The following GSE1 variants were observed in gnomAD, a reference collection of about 807,000 sequenced individuals.
GSE1 encodes the protein Gse1 coiled-coil protein.
In GSE1, 32 loss-of-function variants were observed where a neutral mutation model predicts 112.6. The observed-to-expected ratio is 0.28, with a 90% CI of 0.21 to 0.38. The LOEUF is 0.38. GSE1 is among the 10% of genes least tolerant of loss of function. The pLI is 1.00. For synonymous variants in GSE1, 1,115 were observed against 735.6 expected, an observed-to-expected ratio of 1.52 and a Z score of -8.35; for missense variants, 2,348 against 1,699.2, an observed-to-expected ratio of 1.38 and a Z score of -6.71.
chr16:85,515,447 G>A (rs796964652), intron 2 of GSE1, among the ~76,000 whole-genome samples: 3 of 152,364 alleles, frequency 2.0e-5, no homozygotes, highest in African/African-American at 7.2e-5. Flanking sequence ...GGGGCCTGGG[G>A]TCACCCTGAG....
intron 1 of GSE1, among the ~76,000 whole-genome samples, chr16:85,336,014 G>A (rs947194139): frequency 6.6e-6 from 1 of 152,076 alleles, no homozygotes; most frequent in Non-Finnish European, 1.5e-5. Context: ...TAGGACAGGT[G>A]GGACCCAGGC....
chr16:85,336,462 G>A lies in GSE1; in HGVS notation c.2284-21001G>A, dbSNP rs545846104. On this transcript the variant is annotated intron_variant, in intron 1 of 2. Coordinates refer to the GSE1 transcript ENST00000637419. Reference sequence around the variant, plus strand: ...AGAAGGGGCAGAATCAGAGGTGCAGGATTAGGCCACCTGCAGCCTTGGTGG... The same window carrying A: ...AGAAGGGGCAGAATCAGAGGTGCAGAATTAGGCCACCTGCAGCCTTGGTGG... Among the ~76,000 whole-genome samples the A allele has an allele frequency of 1.5e-4, 23 of 152,338 alleles. No individual in the cohort carries two copies. The East Asian group carries it at 4.1e-3, about 27-fold the overall frequency.
chr16:85,620,568 C>T lies in GSE1; in HGVS notation c.7+7170C>T, dbSNP rs530168276. On this transcript the variant is annotated intron_variant, in intron 1 of 15. Coordinates refer to ENST00000253458, the MANE Select transcript of GSE1 (RefSeq NM_014615.5). ...GAGACTTCCGCCTCCCAGAGGCTGCCGATCCACGCGGTCGTCTCTGCCGCC... is the reference window on the plus strand; with the variant it reads ...GAGACTTCCGCCTCCCAGAGGCTGCTGATCCACGCGGTCGTCTCTGCCGCC... Among the ~76,000 whole-genome samples, 12 of 152,380 alleles carry T rather than the reference C, an allele frequency of 7.9e-5. No homozygotes were observed. In the South Asian group the frequency reaches 2.1e-3, roughly 26 times the overall value.
intron 1 of GSE1, among the ~76,000 whole-genome samples, chr16:85,253,115 G>T (rs1277883864): frequency 2.0e-4 from 27 of 135,644 alleles, no homozygotes. Context: ...CGCTGAAGAT[G>T]CTGTGACGGG....
intron 1 of GSE1, among the ~76,000 whole-genome samples, chr16:85,614,844 T>C (rs2048269226): frequency 6.6e-6 from 1 of 151,970 alleles, no homozygotes; most frequent in Non-Finnish European, 1.5e-5. Context: ...GGCCACCAAA[T>C]GGAAAGAGGG....
At chr16:85,669,050 C>T (rs772012459) in intron 14 of GSE1, among the ~76,000 whole-genome samples, 10 of 152,278 alleles carry the variant, frequency 6.6e-5, no homozygotes, top group Non-Finnish European at 1.2e-4. Context: ...GGCCACATCT[C>T]CCCTGCCAGG....
chr16:85,258,849 C>T (rs905708263), intron 1 of GSE1, among the ~76,000 whole-genome samples: 1 of 152,186 alleles, frequency 6.6e-6, no homozygotes, highest in African/African-American at 2.4e-5. Flanking sequence ...CTGACCTCGC[C>T]CTCTCCCCGT....
chr16:85,279,219 C>T (rs1410533220), intron 1 of GSE1, among the ~76,000 whole-genome samples: 1 of 152,206 alleles, frequency 6.6e-6, no homozygotes, highest in Non-Finnish European at 1.5e-5. Context: ...GCCAAGGCCC[C>T]AGGGAGAAAG....
At chr16:85,610,021 G>A (rs1179774188), upstream of GSE1, among the ~76,000 whole-genome samples, 3 of 152,310 alleles carry the variant, frequency 2.0e-5, no homozygotes, top group East Asian at 5.8e-4. Context: ...GGCTTGTGGA[G>A]GTAGGGCTAG....
At position 85,353,303 on chromosome 16, in the gene GSE1, G is replaced by C. The variant is rs896683255; in HGVS notation, c.2284-4160G>C. Among the ~76,000 whole-genome samples the C allele has an allele frequency of 2.6e-5, 4 of 152,216 alleles. No homozygotes were observed. In the East Asian group the frequency reaches 7.7e-4, roughly 29 times the overall value. On this transcript the variant is annotated intron_variant, in intron 1 of 2. Coordinates refer to the GSE1 transcript ENST00000637419. The stretch of plus-strand genomic sequence containing the variant: ...TGTCTGTAGGACTGAGGGCTGCTAC[G>C]CACCTTCCTATACAAGTTCGTGTGC...
At position 85,673,636 on chromosome 16, in the gene GSE1, A is replaced by G. The variant is rs1233428004; in HGVS notation, c.*1097A>G. On this transcript the variant is annotated 3_prime_UTR_variant, in exon 16 of 16. Transcript: ENST00000253458. ...TCATTTTTAGTTTGAGTTGCACCAG[A>G]AGCTGCCGTAGAAAGCCATGCGCTA... 1 of 152,224 alleles carries G rather than the reference A, an allele frequency of 6.6e-6. No homozygotes were observed. The highest frequency in any genetic ancestry group is 2.4e-5 in the African/African-American group (1 of 41,450). The allele number at this position is 152,224 out of a possible 1,614,324, so 9.4% of individuals were successfully genotyped here.
chr16:85,564,838 G>A (rs1239656044), intron 1 of GSE1, among the ~76,000 whole-genome samples: 1 of 152,196 alleles, frequency 6.6e-6, no homozygotes, highest in African/African-American at 2.4e-5. Context: ...AGGCCAGAGA[G>A]ATAGATGCAT....
intron 2 of GSE1, among the ~76,000 whole-genome samples, chr16:85,364,353 T>C (rs535292286): frequency 2.2e-4 from 34 of 152,288 alleles, no homozygotes; most frequent in African/African-American, 7.5e-4. Context: ...TCCAGGCCCA[T>C]CTCCCATCTC....
chr16:85,438,114 C>G (rs1347776089), intron 2 of GSE1, among the ~76,000 whole-genome samples: 8 of 152,132 alleles, frequency 5.3e-5, no homozygotes, highest in African/African-American at 1.7e-4. Flanking sequence ...TTCTCTGTGT[C>G]CCCCGGATAG....
chr16:85,666,258 C>T lies in GSE1; in HGVS notation c.3041C>T (p.Pro1014Leu), dbSNP rs780772744. The T allele has an allele frequency of 2.1e-5, 34 of 1,613,700 alleles. No individual in the cohort carries two copies. The highest frequency in any genetic ancestry group is 8.8e-5 in the South Asian group (8 of 91,090). The change falls in exon 13 of 16, where the codon CCG becomes CTG. Residue 1014 changes from proline to leucine, a missense_variant. Pro to Leu is a moderately conservative substitution (Grantham distance 98, BLOSUM62 -3). Coordinates refer to ENST00000253458, the MANE Select transcript of GSE1 (RefSeq NM_014615.5). ...LSHSTNGKSK[P>L]WEPFVAEEFA... ...CACAGCACCAATGGGAAGAGCAAGC[C>T]GTGGGAGCCCTTTGTGGCAGAAGAG...
chr16:85,457,786 G>T (rs72487997), intron 2 of GSE1, among the ~76,000 whole-genome samples: 1 of 152,228 alleles, frequency 6.6e-6, no homozygotes, highest in African/African-American at 2.4e-5. Flanking sequence ...TGAATGTGGG[G>T]AGAATATAAC....
At chr16:85,590,094 G>T (rs560301571) in intron 1 of GSE1, among the ~76,000 whole-genome samples, 9 of 152,058 alleles carry the variant, frequency 5.9e-5, no homozygotes, top group African/African-American at 1.9e-4. Flanking sequence ...TGTGTGAGGC[G>T]TGTGATTGAA....
At chr16:85,613,320 G>C, upstream of GSE1, 1 of 1,550,848 alleles carries the variant, frequency 6.4e-7, no homozygotes, top group South Asian at 1.2e-5. Flanking sequence ...GGTGAGATAA[G>C]CAGTTTAGAC....
intron 1 of GSE1, among the ~76,000 whole-genome samples, chr16:85,238,999 CTCACTGCA>C (rs1904950647): frequency 6.6e-6 from 1 of 152,118 alleles, no homozygotes; most frequent in African/African-American, 2.4e-5. Context: ...GCGATCTCGG[CTCACTGCA>C]ACCTCTGCCT....
Sources: gnomAD v4.1 joint callset for allele counts (sites outside exome capture counted in the v4.1 genomes callset) on GRCh38, gnomAD v4.1.1 for gene constraint, MANE v1.5 for transcripts, NCBI Gene and HGNC (gene_info 2026-07-23, HGNC 2026-07-21) for gene names.